The following ZMYM2 variants were observed in gnomAD, a reference collection of about 807,000 sequenced individuals.
ZMYM2 encodes zinc finger MYM-type protein 2.
In ZMYM2, 56 loss-of-function variants were observed where a neutral mutation model predicts 162.8. The ratio of observed to expected loss-of-function variants is 0.34; its 90% CI spans 0.28 to 0.43. The LOEUF (loss-of-function observed/expected upper bound fraction) is 0.43, where lower values mean the gene tolerates loss of function less well. Among genes scored for constraint, ZMYM2 ranks in the 20% least tolerant of loss-of-function variants. The pLI is 1.00. For missense variants in ZMYM2, 1,275 were observed against 1,621.8 expected, an observed-to-expected ratio of 0.79 and a Z score of 3.67; for synonymous variants, 510 against 541.6, an observed-to-expected ratio of 0.94 and a Z score of 0.81.
At chr13:20,003,201 G>A in intron 4 of ZMYM2, 66 bp downstream of exon 4, 3 of 1,505,740 alleles carry the variant, frequency 2.0e-6, no homozygotes, top group Non-Finnish European at 2.7e-6. Flanking sequence ...TTTAAGAAAA[G>A]TGAAACAGAT....
intron 24 of ZMYM2, among the ~76,000 whole-genome samples, chr13:20,085,604 C>T (rs1316310025): frequency 6.6e-6 from 1 of 152,026 alleles, no homozygotes; most frequent in Non-Finnish European, 1.5e-5. Flanking sequence ...TTGATAGTGT[C>T]TTGGATTTAG....
chr13:19,959,550 A>G (rs947739891), intron 1 of ZMYM2, among the ~76,000 whole-genome samples: 7 of 152,280 alleles, frequency 4.6e-5, no homozygotes, highest in African/African-American at 1.7e-4. Flanking sequence ...TGTGGGCGAT[A>G]TCGGCCCAGC....
intron 4 of ZMYM2, among the ~76,000 whole-genome samples, chr13:20,004,427 T>C (rs902278728): frequency 2.6e-5 from 4 of 152,148 alleles, no homozygotes; most frequent in East Asian, 3.9e-4. Context: ...GGCTAATTTT[T>C]TGTGTTTTTA....
the ZMYM2 span, among the ~76,000 whole-genome samples, chr13:19,872,997 C>T: frequency 5.4e-5 from 4 of 73,696 alleles, no homozygotes; most frequent in Admixed American, 6.4e-4. Flanking sequence ...GAGACTCTAC[C>T]CCAAAAAAAA....
chr13:20,067,637 C>T (rs1956779795), intron 21 of ZMYM2, among the ~76,000 whole-genome samples: 1 of 152,172 alleles, frequency 6.6e-6, no homozygotes, highest in Non-Finnish European at 1.5e-5. Flanking sequence ...CCATGCTGAT[C>T]TACATGTAAA....
chr13:19,941,325 A>AC, the ZMYM2 span, among the ~76,000 whole-genome samples: 77 of 151,854 alleles, frequency 5.1e-4, 2 homozygotes, highest in South Asian at 3.3e-3. Context: ...AAAAAAACAA[A>AC]AAAAAAAAAG....
At position 20,052,404 on chromosome 13, in the gene ZMYM2, T is replaced by C. The variant is rs1474082014; in HGVS notation, c.2493+93T>C. On this transcript the variant is annotated intron_variant, in intron 14 of 24. Transcript: ENST00000610343. The stretch of plus-strand genomic sequence containing the variant: ...AATTTAATGTGATCATAATAGTAAT[T>C]TTTTTGGTTTTTTTTTTGCTTTACT... The C allele has an allele frequency of 4.0e-6, 5 of 1,247,188 alleles. No homozygotes were observed. The Admixed American group carries it at 1.4e-4, about 36-fold the overall frequency. 77.3% of individuals were successfully genotyped at this position (1,247,188 alleles called of 1,614,324 possible).
chr13:19,927,817 T>C, the ZMYM2 span, among the ~76,000 whole-genome samples: 1 of 152,210 alleles, frequency 6.6e-6, no homozygotes, highest in South Asian at 2.1e-4. Context: ...TATTGTTGAA[T>C]AACTTAAATT....
At chr13:19,888,347 C>G in the ZMYM2 span, among the ~76,000 whole-genome samples, 1 of 151,602 alleles carries the variant, frequency 6.6e-6, no homozygotes, top group Admixed American at 6.6e-5. Flanking sequence ...ACCACCATGG[C>G]GGGCTAATTT....
the ZMYM2 span, among the ~76,000 whole-genome samples, chr13:19,900,711 A>AAATAAT: frequency 6.6e-6 from 1 of 151,642 alleles, no homozygotes; most frequent in African/African-American, 2.4e-5. Flanking sequence ...TGTGCTTGGT[A>AAATAAT]AATAATAATA....
At chr13:19,975,141 G>A (rs1594110591) in intron 2 of ZMYM2, among the ~76,000 whole-genome samples, 1 of 143,502 alleles carries the variant, frequency 7.0e-6, no homozygotes, top group African/African-American at 2.6e-5. Flanking sequence ...CATTGTTTTT[G>A]GTATTTTTTT....
chr13:20,067,398 A>C lies in ZMYM2; in HGVS notation c.3453+8A>C. The C allele has an allele frequency of 6.3e-7, 1 of 1,591,786 alleles. No homozygotes were observed. Among genetic ancestry groups the C allele is most frequent in the African/African-American group, 1.3e-5 (1 of 74,638 alleles). Reference sequence around the variant, plus strand: ...TGCCTTGGAATACAGGAGGTTAGTAATTTGATGGCTGCTTTCAAGTATAAC... The same window carrying C: ...TGCCTTGGAATACAGGAGGTTAGTACTTTGATGGCTGCTTTCAAGTATAAC... On this transcript the variant is annotated splice_region_variant and intron_variant, in intron 21 of 24. Coordinates refer to ENST00000610343, the MANE Select transcript of ZMYM2 (RefSeq NM_197968.4).
chr13:20,064,608 C>G, intron 19 of ZMYM2, 63 bp downstream of exon 19: 3 of 1,268,922 alleles, frequency 2.4e-6, no homozygotes, highest in Non-Finnish European at 3.1e-6. Context: ...ATACAGTGTT[C>G]TTTTAGTGTG....
chr13:20,016,536 AG>A (rs1951644236), intron 6 of ZMYM2, among the ~76,000 whole-genome samples: 1 of 152,160 alleles, frequency 6.6e-6, no homozygotes, highest in Non-Finnish European at 1.5e-5. Flanking sequence ...GGGTAGATTT[AG>A]TGGCAACAAA....
chr13:19,907,932 CCT>C, the ZMYM2 span, among the ~76,000 whole-genome samples: 4 of 151,944 alleles, frequency 2.6e-5, no homozygotes, highest in African/African-American at 9.7e-5. Context: ...GGGTAAACTC[CCT>C]CTCTTTCTTC....
the ZMYM2 span, among the ~76,000 whole-genome samples, chr13:19,881,606 A>T: frequency 1.9e-4 from 29 of 151,722 alleles, no homozygotes; most frequent in Non-Finnish European, 1.5e-5. Flanking sequence ...TGGGCAACAG[A>T]GTGAGACTCA....
chr13:19,951,406 C>T, the ZMYM2 span, among the ~76,000 whole-genome samples: 44 of 151,516 alleles, frequency 2.9e-4, no homozygotes, highest in Middle Eastern at 3.4e-3. Flanking sequence ...AATAGGCAAA[C>T]GGGCCAGATG....
upstream of ZMYM2, among the ~76,000 whole-genome samples, chr13:19,958,478 C>G (rs551995493): frequency 1.3e-5 from 2 of 148,254 alleles, no homozygotes; most frequent in Non-Finnish European, 3.0e-5. Flanking sequence ...GGCGGGGGAC[C>G]GGCGGGGAGG....
chr13:19,898,749 G>C, the ZMYM2 span, among the ~76,000 whole-genome samples: 11 of 150,864 alleles, frequency 7.3e-5, no homozygotes, highest in Non-Finnish European at 1.5e-4. Flanking sequence ...AACAAGGCAA[G>C]ACCCTGTCTC....
Sources: allele counts gnomAD v4.1 joint callset (sites outside exome capture counted in the v4.1 genomes callset), GRCh38; gene constraint gnomAD v4.1.1; transcripts MANE v1.5; gene names NCBI Gene and HGNC (gene_info 2026-07-23, HGNC 2026-07-21).